Variants in SF3A2 observed in about 807,000 individuals in gnomAD.
The protein encoded by SF3A2 is splicing factor 3a subunit 2.
In SF3A2, 5 loss-of-function variants were observed where a neutral mutation model predicts 31.1. The observed-to-expected ratio is 0.16, with a 90% confidence interval of 0.08 to 0.34. The LOEUF (loss-of-function observed/expected upper bound fraction) is 0.34, where lower values mean the gene tolerates loss of function less well. SF3A2 is among the 10% of genes least tolerant of loss of function. The probability of loss-of-function intolerance (pLI) is 1.00; values close to 1 mark genes in which losing one functional copy is unlikely to be tolerated. For synonymous variants in SF3A2, 365 were observed against 263.7 expected, an observed-to-expected ratio of 1.38 and a Z score of -3.72; for missense variants, 577 against 643.9, an observed-to-expected ratio of 0.90 and a Z score of 1.13.
intron 2 of SF3A2, 138 bp from the exon 3 acceptor site, chr19:2,244,406 C>T: frequency 4.4e-6 from 3 of 686,922 alleles, no homozygotes; most frequent in Non-Finnish European, 5.0e-6. Context: ...TGCTTGACCA[C>T]TGTCAGCGGT....
chr19:2,237,817 A>G (rs1372316825), intron 1 of SF3A2: 1 of 152,210 alleles, frequency 6.6e-6, no homozygotes, highest in Non-Finnish European at 1.5e-5. Context: ...CCCATTTTGC[A>G]GGTGCACCCC....
At chr19:2,240,900 G>A (rs1180093455) in intron 1 of SF3A2, among the ~76,000 whole-genome samples, 1 of 152,262 alleles carries the variant, frequency 6.6e-6, no homozygotes, top group Non-Finnish European at 1.5e-5. Flanking sequence ...GGAGCAAAGC[G>A]CAGGTCGCTC....
At position 2,248,150 on chromosome 19, in the gene SF3A2, T is replaced by TCCTGGAGTCCACCCTCCAGCC. The variant is rs2024960947; in HGVS notation, c.1002_1022dup (p.Ala361_Pro367dup). 2 of 1,257,338 alleles carry TCCTGGAGTCCACCCTCCAGCC rather than the reference T, an allele frequency of 1.6e-6. No individual in the cohort carries two copies. Among genetic ancestry groups the TCCTGGAGTCCACCCTCCAGCC allele is most frequent in the Non-Finnish European group, 2.2e-6 (2 of 923,354 alleles). 77.9% of individuals were successfully genotyped at this position (1,257,338 alleles called of 1,614,324 possible). ...CAACCTCTGGGGTCCACCCCCCAGC[T>TCCTGGAGTCCACCCTCCAGCC]CCTGGAGTCCACCCTCCAGCCCCCG... On this transcript the variant is annotated inframe_insertion, in exon 9 of 9. Transcript: ENST00000221494.
chr19:2,247,892 G>T lies in SF3A2; in HGVS notation c.741G>T (p.Leu247=), dbSNP rs1323091321. 1.3e-6 allele frequency: 2 copies of T among 1,577,916 alleles called. No individual in the cohort carries two copies. The highest frequency in any genetic ancestry group is 8.6e-7 in the Non-Finnish European group (1 of 1,161,298). ...ACGGTCTGCCCCCTCGGCCACCGCT[G>T]CCTGAGTCTTTGCCACCGCCCCCGC... ...LMNGLPPRPP[L]PESLPPPPPG... Residue 247 remains leucine (L), a synonymous_variant, in exon 9 of 9, where the codon CTG becomes CTT. Transcript: ENST00000221494.
intron 2 of SF3A2, 129 bp downstream of exon 2, chr19:2,243,673 C>A: frequency 9.3e-7 from 1 of 1,076,018 alleles, no homozygotes; most frequent in Non-Finnish European, 1.2e-6. Flanking sequence ...TCCAGACGCT[C>A]CCCTGTTGCC....
chr19:2,241,131 C>T (rs368640130), intron 1 of SF3A2, among the ~76,000 whole-genome samples: 14 of 152,166 alleles, frequency 9.2e-5, no homozygotes, highest in African/African-American at 3.4e-4. Context: ...GCAGGGCGTT[C>T]GCATGCTGTT....
Position 2,244,532 on chromosome 19 carries a change from C to T in SF3A2, c.127-12C>T, listed in dbSNP as rs2024916166. 2 of 1,611,320 alleles carry T rather than the reference C, an allele frequency of 1.2e-6. No individual in the cohort carries two copies. The highest frequency in any genetic ancestry group is 1.1e-5 in the South Asian group (1 of 90,696). ...ATCTTCTGTCTAACGGGCCCCTGTT[C>T]TTCCCCTCCAGGACCCGTACTTCAT... On this transcript the variant is annotated splice_polypyrimidine_tract_variant and intron_variant, in intron 2 of 8. Coordinates refer to ENST00000221494, the MANE Select transcript of SF3A2 (RefSeq NM_007165.5).
chr19:2,247,946 C>A lies in SF3A2; in HGVS notation c.795C>A (p.Pro265=). Residue 265 remains proline (P), a synonymous_variant, in exon 9 of 9, where the codon CCC becomes CCA. Coordinates refer to ENST00000221494, the MANE Select transcript of SF3A2 (RefSeq NM_007165.5). ...PPGGLPLPPM[P]PTGPAPSGPP... The stretch of plus-strand genomic sequence containing the variant: ...GAGGCCTGCCTCTGCCACCCATGCC[C>A]CCCACAGGGCCTGCGCCCTCAGGGC... The A allele has an allele frequency of 7.0e-7, 1 of 1,432,136 alleles. No homozygotes were observed. The highest frequency in any genetic ancestry group is 2.4e-5 in the East Asian group (1 of 42,182). The allele number at this position is 1,432,136 out of a possible 1,614,324, so 88.7% of individuals were successfully genotyped here.
intron 1 of SF3A2, among the ~76,000 whole-genome samples, chr19:2,238,226 G>A (rs1212730815): frequency 6.6e-6 from 1 of 152,184 alleles, no homozygotes; most frequent in Non-Finnish European, 1.5e-5. Context: ...GTTTCGCCAT[G>A]TTGCCCAGGC....
rs557290910 is a variant in SF3A2, at chr19:2,245,793, G to A, written c.355+238G>A. 6 of 561,022 alleles carry A rather than the reference G, an allele frequency of 1.1e-5. No individual in the cohort carries two copies. In the East Asian group the frequency reaches 1.5e-4, roughly 14 times the overall value. 34.8% of individuals were successfully genotyped at this position (561,022 alleles called of 1,614,324 possible). A position where few individuals can be genotyped will look rare whatever the true frequency, so the allele number is the denominator to read the frequency against. ...CCATTTCCCAGCTGAGCCACAGTCT[G>A]TGCCCTCCTGTCCGGGTCTTGTGGA... On this transcript the variant is annotated intron_variant, in intron 5 of 8. Coordinates refer to ENST00000221494, the MANE Select transcript of SF3A2 (RefSeq NM_007165.5). This position sits in a 1 kb window ranked among gnomAD's most constrained non-coding sequence, Gnocchi z 4.2.
intron 2 of SF3A2, 129 bp downstream of exon 2, chr19:2,243,673 C>T: frequency 2.8e-6 from 3 of 1,076,018 alleles, no homozygotes; most frequent in Admixed American, 8.1e-5. Flanking sequence ...TCCAGACGCT[C>T]CCCTGTTGCC....
intron 2 of SF3A2, 68 bp downstream of exon 2, chr19:2,243,612 G>A (rs2024908557): frequency 1.5e-5 from 21 of 1,446,496 alleles, no homozygotes; most frequent in Non-Finnish European, 1.7e-5. Context: ...TGGAGAGGGT[G>A]CCAGAGGCTC....
In SF3A2 at chr19:2,248,103, C is replaced by G; in HGVS notation, c.952C>G (p.Pro318Ala). 1 of 1,128,556 alleles carries G rather than the reference C, an allele frequency of 8.9e-7. No homozygotes were observed. The allele number at this position is 1,128,556 out of a possible 1,614,324, so 69.9% of individuals were successfully genotyped here. A position where few individuals can be genotyped will look rare whatever the true frequency, so the allele number is the denominator to read the frequency against. Reference sequence around the variant, plus strand: ...CCCCCCAGCTCCTGGCGTCCATCCCCCAGCCCCTGGGGTCCACCCACCAAC... The same window carrying G: ...CCCCCCAGCTCCTGGCGTCCATCCCGCAGCCCCTGGGGTCCACCCACCAAC... ...VHPPAPGVHP[P>A]APGVHPPTSG... is the part of the protein sequence containing the mutation. The change falls in exon 9 of 9, where the codon CCA becomes GCA. Residue 318 changes from proline to alanine, a missense_variant. By Grantham distance (27) the Pro-to-Ala change is conservative. This residue lies in a region of SF3A2 where 462 missense variants were observed against 339.1 expected (regional missense o/e 1.36). Transcript: ENST00000221494.
Position 2,247,153 on chromosome 19 carries a change from G to GATCT in SF3A2, c.546+131_546+132insATCT, listed in dbSNP as rs2024944839. ...GCCCCCCCCAAGTCGGAGCCAGAAGGGTCTGCACAGGCCGGGCAGGGCACC... is the reference window on the plus strand; with the variant it reads ...GCCCCCCCCAAGTCGGAGCCAGAAGGATCTGTCTGCACAGGCCGGGCAGGGCACC... On this transcript the variant is annotated intron_variant, in intron 7 of 8. Transcript: ENST00000221494. The GATCT allele has an allele frequency of 1.1e-5, 13 of 1,159,254 alleles. 1 individual carries two copies. The highest frequency in any genetic ancestry group is 1.4e-5 in the Non-Finnish European group (12 of 836,908). 71.8% of individuals were successfully genotyped at this position (1,159,254 alleles called of 1,614,324 possible).
At position 2,248,025 on chromosome 19, in the gene SF3A2, C is replaced by A; in HGVS notation, c.874C>A (p.Pro292Thr). 1.0e-6 allele frequency: 1 copy of A among 977,410 alleles called. No homozygotes were observed. The highest frequency in any genetic ancestry group is 1.6e-6 in the Non-Finnish European group (1 of 638,756). 60.5% of individuals were successfully genotyped at this position (977,410 alleles called of 1,614,324 possible). ...PPAPGVHPPAPVVHPPASGVH... is the reference protein window; with the variant it reads ...PPAPGVHPPATVVHPPASGVH... ...AGCTCCAGGGGTCCACCCCCCGGCC[C>A]CAGTGGTGCATCCCCCTGCATCTGG... is the stretch of plus-strand genomic sequence containing the variant. The change falls in exon 9 of 9, where the codon CCA becomes ACA. Residue 292 changes from proline to threonine, a missense_variant. By Grantham distance (38) the Pro-to-Thr change is conservative (BLOSUM62 -1). Around this residue, in one of 6 missense-constraint regions of SF3A2, gnomAD observed 462 missense variants for 339.1 expected, o/e 1.36. Transcript: ENST00000221494.
Position 2,243,427 on chromosome 19 carries a change from C to A in SF3A2, c.9C>A (p.Phe3Leu). The A allele has an allele frequency of 6.5e-7, 1 of 1,545,390 alleles. No homozygotes were observed. Among genetic ancestry groups the A allele is most frequent in the Non-Finnish European group, 8.7e-7 (1 of 1,152,318 alleles). The change falls in exon 2 of 9, where the codon TTC (phenylalanine) becomes TTA (leucine). Residue 3 changes from phenylalanine (F) to leucine (L), a missense_variant. Around this residue, in one of 6 missense-constraint regions of SF3A2, gnomAD observed 40 missense variants for 50.0 expected, o/e 0.80. Transcript: ENST00000221494. Reference sequence around the variant, plus strand: ...GCCCTAAGGCCATCACCATGGACTTCCAGCATCGCCCCGGGGGCAAGACCG... The same window carrying A: ...GCCCTAAGGCCATCACCATGGACTTACAGCATCGCCCCGGGGGCAAGACCG... MD[F>L]QHRPGGKTGS... is the part of the protein sequence containing the mutation.
chr19:2,247,135 C>A, intron 7 of SF3A2, 113 bp downstream of exon 7: 1 of 1,418,236 alleles, frequency 7.1e-7, no homozygotes. Context: ...TGGGCCCCCC[C>A]CAAGTCGGAG....
At chr19:2,243,279 T>TGAGG in intron 1 of SF3A2, 103 bp from the exon 2 acceptor site, 1 of 902,774 alleles carries the variant, frequency 1.1e-6, no homozygotes, top group East Asian at 3.0e-5. Context: ...GAGTGCAGGG[T>TGAGG]GAGGGGCAGT....
chr19:2,245,807 G>A lies in SF3A2; in HGVS notation c.355+252G>A, dbSNP rs1359404345. 10 of 521,668 alleles carry A rather than the reference G, an allele frequency of 1.9e-5. No individual in the cohort carries two copies. Among genetic ancestry groups the A allele is most frequent in the South Asian group, 1.2e-4 (5 of 40,338 alleles). The allele number at this position is 521,668 out of a possible 1,614,324, so 32.3% of individuals were successfully genotyped here. ...AGCCACAGTCTGTGCCCTCCTGTCC[G>A]GGTCTTGTGGAAGCTTCTGGGAATT... On this transcript the variant is annotated intron_variant, in intron 5 of 8. Coordinates refer to ENST00000221494, the MANE Select transcript of SF3A2 (RefSeq NM_007165.5). This position sits in a 1 kb window ranked among gnomAD's most constrained non-coding sequence, Gnocchi z 4.2.
Sources: gnomAD v4.1 joint callset for allele counts (sites outside exome capture counted in the v4.1 genomes callset) on GRCh38, gnomAD v4.1.1 for gene constraint, gnomAD v4.1.1 regional missense constraint, Gnocchi (gnomAD v3.1) non-coding constraint, MANE v1.5 for transcripts, NCBI Gene and HGNC (gene_info 2026-07-23, HGNC 2026-07-21) for gene names.